Variants in AK5 observed in about 807,000 individuals in gnomAD.
The protein encoded by AK5 is adenylate kinase isoenzyme 5.
AK5 carries 27 observed loss-of-function variants against 69.5 expected under a neutral mutation model. The ratio of observed to expected loss-of-function variants is 0.39; its 90% CI spans 0.29 to 0.54. The LOEUF (loss-of-function observed/expected upper bound fraction) is 0.54. Ranked by LOEUF, AK5 falls within the 20% of genes least tolerant of loss-of-function variation. The pLI is 0.71. For synonymous variants in AK5, 260 were observed against 244.4 expected (o/e 1.06, Z -0.60); for missense variants, 531 against 700.4 (o/e 0.76, Z 2.73).
intron 13 of AK5, chr1:77,557,257 T>C (rs1660153405): frequency 5.3e-6 from 1 of 188,214 alleles, no homozygotes; most frequent in African/African-American, 2.3e-5. Context: ...TGATTACTCA[T>C]GTCTCCTGAC....
chr1:77,520,703 T>C (rs894295986), intron 11 of AK5, among the ~76,000 whole-genome samples: 9 of 152,250 alleles, frequency 5.9e-5, no homozygotes, highest in Non-Finnish European at 1.2e-4. Flanking sequence ...TAGCATTCTG[T>C]ACCTCTTTGT....
chr1:77,557,823 G>A, intron 13 of AK5, among the ~76,000 whole-genome samples: 1 of 152,072 alleles, frequency 6.6e-6, no homozygotes, highest in East Asian at 1.9e-4. Flanking sequence ...TAGCTTCACT[G>A]CAGAATTGGG....
chr1:77,484,353 G>A lies in AK5; in HGVS notation c.1102+994G>A, dbSNP rs537592661. ...GTTATAATATAAGTCATGGAAATAT[G>A]TTTATAGTATTGATTCTAAACACAT... is the stretch of plus-strand genomic sequence containing the variant. On this transcript the variant is annotated intron_variant, in intron 9 of 13. Transcript: ENST00000354567. Among the ~76,000 whole-genome samples, 29 of 152,282 alleles carry A rather than the reference G, an allele frequency of 1.9e-4. 1 individual carries two copies. In the South Asian group the frequency reaches 5.8e-3, roughly 30 times the overall value.
At chr1:77,339,028 A>C (rs890789322) in intron 5 of AK5, among the ~76,000 whole-genome samples, 12 of 152,100 alleles carry the variant, frequency 7.9e-5, no homozygotes, top group Non-Finnish European at 1.8e-4. Flanking sequence ...TGGTCTCCAG[A>C]GTGCACAAAG....
At chr1:77,410,655 A>G (rs904606656) in intron 6 of AK5, among the ~76,000 whole-genome samples, 3 of 152,148 alleles carry the variant, frequency 2.0e-5, no homozygotes, top group African/African-American at 7.2e-5. Flanking sequence ...ATATATTTTC[A>G]TGTTTTTCAA....
At chr1:77,351,415 T>C (rs868558357) in intron 6 of AK5, among the ~76,000 whole-genome samples, 2 of 152,068 alleles carry the variant, frequency 1.3e-5, no homozygotes, top group East Asian at 3.9e-4. Flanking sequence ...AATAAATATA[T>C]GAATAGCTAT....
intron 6 of AK5, among the ~76,000 whole-genome samples, chr1:77,406,259 G>A (rs1649624907): frequency 7.7e-6 from 1 of 129,264 alleles, no homozygotes; most frequent in Non-Finnish European, 1.6e-5. Flanking sequence ...GTGGTCCCTG[G>A]TAGAAGGGAA....
At chr1:77,302,068 T>C (rs1317844409) in intron 5 of AK5, among the ~76,000 whole-genome samples, 3 of 152,136 alleles carry the variant, frequency 2.0e-5, no homozygotes, top group Non-Finnish European at 4.4e-5. Flanking sequence ...AGCTAGTTTT[T>C]TAAAAACTTT....
rs565969329 is a variant in AK5 at position 77,552,213 on chromosome 1, C to T, written c.1621-6389C>T. Among the ~76,000 whole-genome samples the T allele has an allele frequency of 2.6e-5, 4 of 152,252 alleles. No homozygotes were observed. The South Asian group carries it at 8.3e-4, about 32-fold the overall frequency. On this transcript the variant is annotated intron_variant, in intron 13 of 13. Transcript: ENST00000354567. The stretch of plus-strand genomic sequence containing the variant: ...TTCCTTACTCCTGATGTTATTACCT[C>T]TTAGTAATTTTCCATCCACTGACTC...
In AK5 at chr1:77,428,858, G is replaced by C. The variant is rs1341011814; in HGVS notation, c.1059+11143G>C. On this transcript the variant is annotated intron_variant, in intron 8 of 13. Transcript: ENST00000354567. ...TATGAGTGAGAACATGCGGTGTTTG[G>C]TTTTTTGTCCTTGCGATAGTTTGCT... 2.0e-5 allele frequency among the ~76,000 whole-genome samples: 3 copies of C among 152,030 alleles called. 1 individual carries two copies. The highest frequency in any genetic ancestry group is 4.4e-5 in the Non-Finnish European group (3 of 68,012).
At chr1:77,391,489 GTGTGTGTATATA>G (rs1444748132) in intron 6 of AK5, among the ~76,000 whole-genome samples, 1 of 18,782 alleles carries the variant, frequency 5.3e-5, no homozygotes, top group Admixed American at 9.2e-4. Flanking sequence ...GTGTATGTGT[GTGTGTGTATATA>G]TATATATATA....
rs1295419228 is a variant in AK5, at chr1:77,432,523, A to T, written c.1059+14808A>T. ...AGGTACAAGTTTTAAAAACAAAAAT[A>T]TAAAATAAAATTAATAGTAATATGG... On this transcript the variant is annotated intron_variant, in intron 8 of 13. Coordinates refer to ENST00000354567, the MANE Select transcript of AK5 (RefSeq NM_174858.3). 2.0e-5 allele frequency among the ~76,000 whole-genome samples: 3 copies of T among 152,258 alleles called. No homozygotes were observed. The East Asian group carries it at 5.8e-4, about 29-fold the overall frequency.
intron 3 of AK5, 111 bp from the exon 4 acceptor site, chr1:77,297,448 C>T (rs1659076802): frequency 1.0e-6 from 1 of 978,686 alleles, no homozygotes; most frequent in African/African-American, 1.6e-5. Context: ...GAACTGTTAA[C>T]CACCCTGTCT....
At chr1:77,439,956 T>G (rs1264654076) in intron 8 of AK5, among the ~76,000 whole-genome samples, 2 of 152,062 alleles carry the variant, frequency 1.3e-5, no homozygotes, top group Admixed American at 1.3e-4. Context: ...CTTTCTGGGG[T>G]TTTGTATATC....
intron 6 of AK5, among the ~76,000 whole-genome samples, chr1:77,356,768 C>T (rs1662547603): frequency 6.6e-6 from 1 of 152,170 alleles, no homozygotes; most frequent in Non-Finnish European, 1.5e-5. Context: ...GTGCTATGTA[C>T]TTTCACATAC....
chr1:77,499,327 T>C (rs1296937389), intron 10 of AK5, among the ~76,000 whole-genome samples: 1 of 152,166 alleles, frequency 6.6e-6, no homozygotes, highest in Non-Finnish European at 1.5e-5. Context: ...TTTGCTTTAC[T>C]GTGACATGTT....
chr1:77,398,059 A>G (rs1266578942), intron 6 of AK5, among the ~76,000 whole-genome samples: 1 of 152,162 alleles, frequency 6.6e-6, no homozygotes, highest in Admixed American at 6.5e-5. Flanking sequence ...CTTGATCTCC[A>G]TTGAATCTTA....
At chr1:77,282,650 G>C (rs1047765860) in intron 1 of AK5, 14 of 1,202,392 alleles carry the variant, frequency 1.2e-5, no homozygotes, top group Non-Finnish European at 1.4e-5. Context: ...CGCGCCCCTC[G>C]GATGTGGACA....
chr1:77,374,438 A>G (rs1382883404), intron 6 of AK5, among the ~76,000 whole-genome samples: 1 of 145,000 alleles, frequency 6.9e-6, no homozygotes, highest in Non-Finnish European at 1.5e-5. Context: ...TTTTTTTTTA[A>G]GAACCAAGAG....
Sources: allele counts gnomAD v4.1 joint callset (sites outside exome capture counted in the v4.1 genomes callset), GRCh38; gene constraint gnomAD v4.1.1; transcripts MANE v1.5; gene names NCBI Gene and HGNC (gene_info 2026-07-23, HGNC 2026-07-21).